The following CRISPLD2 variants were observed in gnomAD, a reference collection of about 807,000 sequenced individuals.
CRISPLD2 encodes the protein cysteine rich secretory protein LCCL domain containing 2.
Under a neutral mutation model 71.1 loss-of-function variants are expected in CRISPLD2, and 47 were observed. The observed-to-expected ratio is 0.66, with a 90% confidence interval of 0.52 to 0.84. The LOEUF is 0.84. Among genes scored for constraint, CRISPLD2 ranks in the 40% least tolerant of loss-of-function variants. The probability of loss-of-function intolerance (pLI) is 0.00; values close to 1 mark genes in which losing one functional copy is unlikely to be tolerated. For synonymous variants in CRISPLD2, 317 were observed against 250.1 expected (o/e 1.27, Z -2.52); for missense variants, 830 against 651.1 (o/e 1.27, Z -2.99).
At chr16:84,887,037 A>G (rs767478776) in intron 13 of CRISPLD2, among the ~76,000 whole-genome samples, 7 of 152,154 alleles carry the variant, frequency 4.6e-5, no homozygotes, top group Non-Finnish European at 8.8e-5. Flanking sequence ...GATGCCTCCT[A>G]TAAATGAAAT....
In CRISPLD2 at chr16:84,854,672, G is replaced by C. The variant is rs1237268704; in HGVS notation, c.609-57G>C. The stretch of plus-strand genomic sequence containing the variant: ...TCACGTGGGCCTTGGAAGAGGATCA[G>C]TCCCGAGGCCTCACGTCGTGGTTCC... On this transcript the variant is annotated intron_variant, in intron 5 of 14. Coordinates refer to ENST00000262424, the MANE Select transcript of CRISPLD2 (RefSeq NM_031476.4). 10 of 1,288,224 alleles carry C rather than the reference G, an allele frequency of 7.8e-6. No individual in the cohort carries two copies. The East Asian group carries it at 1.8e-4, about 24-fold the overall frequency. The allele number at this position is 1,288,224 out of a possible 1,614,324, so 79.8% of individuals were successfully genotyped here. A position where few individuals can be genotyped will look rare whatever the true frequency, so the allele number is the denominator to read the frequency against.
chr16:84,854,511 C>G (rs976769441), intron 5 of CRISPLD2, among the ~76,000 whole-genome samples: 1 of 152,164 alleles, frequency 6.6e-6, no homozygotes, highest in African/African-American at 2.4e-5. Context: ...TCTTGTAGCT[C>G]CCTTCTGCAG....
intron 6 of CRISPLD2, among the ~76,000 whole-genome samples, chr16:84,855,273 A>G (rs188018038): frequency 9.4e-4 from 143 of 152,326 alleles, no homozygotes; most frequent in African/African-American, 3.3e-3. Flanking sequence ...CAGAACTAAT[A>G]GGATATATAT....
chr16:84,879,402 GC>G (rs1361532943), intron 12 of CRISPLD2, among the ~76,000 whole-genome samples: 11 of 129,756 alleles, frequency 8.5e-5, no homozygotes, highest in Admixed American at 2.7e-4. Context: ...CGCTCTTGTT[GC>G]CCAGGTTGGA....
Position 84,845,858 on chromosome 16 carries a change from A to C in CRISPLD2, c.313A>C (p.Ser105Arg). ...GTGCATCTGGGAGCACGGGCCCACC[A>C]GTCTGCTGGTGTCCATCGGGCAGAA... ...SQCIWEHGPT[S>R]LLVSIGQNLG... The change falls in exon 3 of 15, where the codon AGT becomes CGT. Residue 105 changes from serine (S) to arginine (R), a missense_variant. Ser to Arg is a moderately radical substitution (Grantham distance 110). Transcript: ENST00000262424. 6.2e-7 allele frequency: 1 copy of C among 1,613,634 alleles called. No homozygotes were observed. The highest frequency in any genetic ancestry group is 8.5e-7 in the Non-Finnish European group (1 of 1,179,722).
At chr16:84,874,477 G>A (rs904411085) in intron 11 of CRISPLD2, among the ~76,000 whole-genome samples, 6 of 152,152 alleles carry the variant, frequency 3.9e-5, no homozygotes, top group African/African-American at 9.7e-5. Flanking sequence ...TGGGATGCAC[G>A]ATGGGCGAGC....
intron 13 of CRISPLD2, among the ~76,000 whole-genome samples, chr16:84,888,410 A>T (rs374682478): frequency 1.3e-5 from 2 of 152,196 alleles, no homozygotes; most frequent in South Asian, 4.1e-4. Context: ...GTGGTACACA[A>T]CTGTAGTCCC....
At chr16:84,888,807 G>C (rs1242092498) in intron 13 of CRISPLD2, among the ~76,000 whole-genome samples, 2 of 152,174 alleles carry the variant, frequency 1.3e-5, no homozygotes, top group South Asian at 2.1e-4. Flanking sequence ...TCCCTGAGCA[G>C]TTCCCCCTGA....
chr16:84,828,520 C>T (rs1218028192), intron 1 of CRISPLD2, among the ~76,000 whole-genome samples: 6 of 152,134 alleles, frequency 3.9e-5, no homozygotes, highest in Non-Finnish European at 8.8e-5. Context: ...GTCCGTAATT[C>T]CTTTCCCTTC....
chr16:84,885,616 TGAA>T (rs1326485065), intron 13 of CRISPLD2, among the ~76,000 whole-genome samples: 1 of 152,220 alleles, frequency 6.6e-6, no homozygotes, highest in African/African-American at 2.4e-5. Context: ...GTTTATTTAT[TGAA>T]GAAGATGAAG....
At chr16:84,874,026 T>G in intron 11 of CRISPLD2, 63 bp downstream of exon 11, 1 of 1,391,168 alleles carries the variant, frequency 7.2e-7, no homozygotes. Flanking sequence ...TCCTGGAAAT[T>G]TCACTTCCTT....
At chr16:84,870,893 A>G (rs2071462676) in intron 8 of CRISPLD2, among the ~76,000 whole-genome samples, 1 of 151,304 alleles carries the variant, frequency 6.6e-6, no homozygotes, top group Admixed American at 6.6e-5. Context: ...CCCTGTCTCT[A>G]CTAGAAATAC....
chr16:84,820,088 T>C lies in CRISPLD2; in HGVS notation c.-120T>C, dbSNP rs1394277790. 1 of 152,296 alleles carries C rather than the reference T, an allele frequency of 6.6e-6. No homozygotes were observed. The highest frequency in any genetic ancestry group is 1.5e-5 in the Non-Finnish European group (1 of 68,102). The allele number at this position is 152,296 out of a possible 1,614,324, so 9.4% of individuals were successfully genotyped here. A position where few individuals can be genotyped will look rare whatever the true frequency, so the allele number is the denominator to read the frequency against. On this transcript the variant is annotated 5_prime_UTR_variant, in exon 1 of 15. Transcript: ENST00000262424. ...CTGTCGCCGCTGCTACCGCGTCTGC[T>C]GGACGCGGGAGACGCCAGCGAGCTG...
intron 1 of CRISPLD2, among the ~76,000 whole-genome samples, chr16:84,832,257 G>A (rs1291329946): frequency 1.3e-5 from 2 of 152,228 alleles, no homozygotes; most frequent in Non-Finnish European, 2.9e-5. Context: ...CAGCCGTAGG[G>A]CCTGTCACTC....
intron 8 of CRISPLD2, among the ~76,000 whole-genome samples, chr16:84,869,671 C>A (rs913154458): frequency 6.6e-6 from 1 of 152,206 alleles, no homozygotes; most frequent in Non-Finnish European, 1.5e-5. Context: ...AAACCTCGCG[C>A]TCAGTGTTAG....
At chr16:84,827,558 CTTTTT>C (rs571068599) in intron 1 of CRISPLD2, among the ~76,000 whole-genome samples, 4 of 135,908 alleles carry the variant, frequency 2.9e-5, no homozygotes, top group Non-Finnish European at 6.3e-5. Flanking sequence ...AGTGCCCTTT[CTTTTT>C]TTTTTTTTTT....
At chr16:84,845,729 T>C in intron 2 of CRISPLD2, 57 bp from the exon 3 acceptor site, 1 of 1,186,304 alleles carries the variant, frequency 8.4e-7, no homozygotes, top group Non-Finnish European at 1.2e-6. Flanking sequence ...GTATTTATGG[T>C]TCTTATGCCC....
At chr16:84,865,465 G>A (rs1917511053) in intron 6 of CRISPLD2, among the ~76,000 whole-genome samples, 1 of 152,118 alleles carries the variant, frequency 6.6e-6, no homozygotes, top group Admixed American at 6.5e-5. Flanking sequence ...CCTGAAACTT[G>A]GATTTTAATC....
At chr16:84,826,655 G>A (rs1916359848) in intron 1 of CRISPLD2, among the ~76,000 whole-genome samples, 1 of 152,234 alleles carries the variant, frequency 6.6e-6, no homozygotes, top group East Asian at 1.9e-4. Flanking sequence ...GGGCTGCCCT[G>A]GGACTGAGAA....
Sources: gnomAD v4.1 joint callset for allele counts (sites outside exome capture counted in the v4.1 genomes callset) on GRCh38, gnomAD v4.1.1 for gene constraint, MANE v1.5 for transcripts, NCBI Gene and HGNC (gene_info 2026-07-23, HGNC 2026-07-21) for gene names.